The following CCDC14 variants were observed in gnomAD, a reference collection of about 807,000 sequenced individuals.
CCDC14 encodes coiled-coil domain-containing protein 14.
A neutral mutation model predicts 81.4 loss-of-function variants in CCDC14; 71 were observed. That is an observed-to-expected ratio of 0.87 (90% confidence interval 0.72 to 1.06). The LOEUF is 1.06. Ranked by LOEUF, CCDC14 falls within the 50% of genes least tolerant of loss-of-function variation. The pLI is 0.00. For missense variants in CCDC14, 1,046 were observed against 1,047.3 expected, an observed-to-expected ratio of 1.00 and a Z score of 0.02; for synonymous variants, 332 against 364.8, an observed-to-expected ratio of 0.91 and a Z score of 1.03.
chr3:123,897,903 A>G (rs937743782), intron 5 of CCDC14, among the ~76,000 whole-genome samples: 4 of 152,236 alleles, frequency 2.6e-5, no homozygotes, highest in Admixed American at 6.5e-5. Context: ...TGAGAAATCT[A>G]TCTACTGTAT....
intron 11 of CCDC14, 24 bp downstream of exon 11, chr3:123,931,284 C>G (rs771444621): frequency 6.3e-7 from 1 of 1,575,184 alleles, no homozygotes; most frequent in African/African-American, 1.4e-5. Context: ...AAGATGTGAC[C>G]ATAACTACTG....
At chr3:123,928,482 G>T (rs977660776) in intron 12 of CCDC14, among the ~76,000 whole-genome samples, 9 of 151,938 alleles carry the variant, frequency 5.9e-5, no homozygotes, top group Admixed American at 2.6e-4. Flanking sequence ...CTCCAGCCTG[G>T]GCGACAGAGT....
intron 12 of CCDC14, among the ~76,000 whole-genome samples, chr3:123,929,321 A>T (rs935956444): frequency 6.6e-6 from 1 of 151,848 alleles, no homozygotes; most frequent in Non-Finnish European, 1.5e-5. Flanking sequence ...TTTATTTATT[A>T]TTTTTTTGAG....
chr3:123,887,103 T>A, the CCDC14 span, among the ~76,000 whole-genome samples: 2 of 152,226 alleles, frequency 1.3e-5, no homozygotes, highest in Non-Finnish European at 2.9e-5. Flanking sequence ...AAACAGTTTT[T>A]TTTGCATATG....
chr3:123,915,342 A>C lies in CCDC14; in HGVS notation c.2155T>G (p.Leu719Val), dbSNP rs2034604875. The part of the protein sequence containing the change: ...DSDEGSETMA[L>V]IEDEHNLDNT... ...TCCAAATTATGCTCATCTTCTATTAAAGCCATAGTTTCACTCCCTTCATCA... is the reference window on the plus strand; with the variant it reads ...TCCAAATTATGCTCATCTTCTATTACAGCCATAGTTTCACTCCCTTCATCA... The change falls in exon 13 of 13, where the codon TTA becomes GTA. Residue 719 changes from leucine (L) to valine (V), a missense_variant. Transcript: ENST00000409697. 4 of 1,613,796 alleles carry C rather than the reference A, an allele frequency of 2.5e-6. No homozygotes were observed. The East Asian group carries it at 8.9e-5, about 36-fold the overall frequency.
chr3:123,901,193 T>C (rs1229320059), intron 5 of CCDC14, among the ~76,000 whole-genome samples: 1 of 151,146 alleles, frequency 6.6e-6, no homozygotes, highest in Non-Finnish European at 1.5e-5. Flanking sequence ...GATCATGCCA[T>C]TGCACTCCAA....
intron 5 of CCDC14, among the ~76,000 whole-genome samples, chr3:123,952,129 G>C (rs1026852362): frequency 2.0e-5 from 3 of 152,190 alleles, no homozygotes; most frequent in Admixed American, 6.5e-5. Context: ...GTCTGGCAAT[G>C]TTTAAGTGAT....
downstream of CCDC14, among the ~76,000 whole-genome samples, chr3:123,912,760 C>G (rs1417690270): frequency 1.3e-5 from 2 of 152,106 alleles, no homozygotes. Flanking sequence ...CACCAGATCC[C>G]CAAATACTCC....
chr3:123,945,073 C>A (rs749417360), intron 8 of CCDC14, 83 bp from the exon 9 acceptor site: 33 of 783,620 alleles, frequency 4.2e-5, no homozygotes, highest in Non-Finnish European at 5.3e-5. Context: ...AAAAGAAAAT[C>A]TTTATAGATA....
At chr3:123,928,161 T>G (rs2035478339) in intron 12 of CCDC14, among the ~76,000 whole-genome samples, 2 of 151,918 alleles carry the variant, frequency 1.3e-5, no homozygotes, top group Admixed American at 1.3e-4. Flanking sequence ...GCATTGCATA[T>G]GTTGAATAGT....
intron 12 of CCDC14, among the ~76,000 whole-genome samples, chr3:123,921,384 C>A (rs984500037): frequency 6.6e-5 from 10 of 152,038 alleles, no homozygotes; most frequent in Non-Finnish European, 1.3e-4. Flanking sequence ...GGTAGCTATA[C>A]TCATATCAGA....
At chr3:123,897,530 G>T (rs1335105345) in exon 6 of CCDC14, 1 of 891,852 alleles carries the variant, frequency 1.1e-6, no homozygotes, top group Non-Finnish European at 1.5e-6. Context: ...GTTCAGAGCA[G>T]TTCTGCTTTT....
chr3:123,952,599 C>T (rs1457301016), intron 5 of CCDC14: 1 of 531,114 alleles, frequency 1.9e-6, no homozygotes, highest in Middle Eastern at 3.2e-4. Context: ...GCTTACCTGA[C>T]TCCATAGGCA....
At chr3:123,919,011 G>C (rs546068545) in intron 12 of CCDC14, among the ~76,000 whole-genome samples, 1 of 151,904 alleles carries the variant, frequency 6.6e-6, no homozygotes, top group South Asian at 2.1e-4. Context: ...AGTATGCGGT[G>C]GCACCTAAGT....
the CCDC14 span, among the ~76,000 whole-genome samples, chr3:123,887,572 A>G: frequency 6.6e-6 from 1 of 152,166 alleles, no homozygotes; most frequent in African/African-American, 2.4e-5. Context: ...CAAGGCTCCA[A>G]CAGATTCAGT....
intron 1 of CCDC14, among the ~76,000 whole-genome samples, chr3:123,960,607 T>C (rs2037623340): frequency 6.6e-6 from 1 of 152,274 alleles, no homozygotes; most frequent in Non-Finnish European, 1.5e-5. Context: ...ACATAAGTCC[T>C]ATCTAAATGT....
chr3:123,951,890 C>T (rs1170207047), intron 5 of CCDC14, among the ~76,000 whole-genome samples: 5 of 151,848 alleles, frequency 3.3e-5, no homozygotes, highest in Non-Finnish European at 5.9e-5. Context: ...CAAATCTCTA[C>T]GGATAATGTT....
At chr3:123,955,650 T>A (rs918259800) in intron 5 of CCDC14, 193 bp downstream of exon 5, 3 of 412,954 alleles carry the variant, frequency 7.3e-6, no homozygotes, top group Middle Eastern at 6.6e-4. Flanking sequence ...TTTCTATTTT[T>A]CTTCTTGAGA....
chr3:123,909,163 A>C (rs1306418724), downstream of CCDC14, among the ~76,000 whole-genome samples: 1 of 152,134 alleles, frequency 6.6e-6, no homozygotes, highest in African/African-American at 2.4e-5. Context: ...ATCACAGCCA[A>C]GTGCAAAATA....
Sources: allele counts gnomAD v4.1 joint callset (sites outside exome capture counted in the v4.1 genomes callset), GRCh38; gene constraint gnomAD v4.1.1; transcripts MANE v1.5; gene names NCBI Gene and HGNC (gene_info 2026-07-23, HGNC 2026-07-21).